DAAM1: variants seen among roughly 807,000 people sequenced by gnomAD.
The protein encoded by DAAM1 is dishevelled associated activator of morphogenesis 1.
Under a neutral mutation model 130.0 loss-of-function variants are expected in DAAM1, and 52 were observed. The observed-to-expected ratio is 0.40, with a 90% CI of 0.32 to 0.50. The LOEUF (loss-of-function observed/expected upper bound fraction) is 0.50, where lower values mean the gene tolerates loss of function less well. Ranked by LOEUF, DAAM1 falls within the 20% of genes least tolerant of loss-of-function variation. The pLI, the probability that DAAM1 is intolerant of heterozygous loss-of-function variation, is 0.61. For synonymous variants in DAAM1, 452 were observed against 444.5 expected (o/e 1.02, Z -0.21); for missense variants, 1,134 against 1,303.8 (o/e 0.87, Z 2.01).
intron 1 of DAAM1, among the ~76,000 whole-genome samples, chr14:59,211,136 A>C (rs916559785): frequency 6.6e-6 from 1 of 152,190 alleles, no homozygotes; most frequent in African/African-American, 2.4e-5. Flanking sequence ...GGTTTGCTTT[A>C]GGTAATTTAA....
intron 1 of DAAM1, among the ~76,000 whole-genome samples, chr14:59,197,308 C>T (rs544843165): frequency 1.3e-5 from 2 of 152,330 alleles, no homozygotes; most frequent in South Asian, 4.1e-4. Context: ...AATACCATTT[C>T]TGTTTGGTTT....
At chr14:59,218,188 T>C (rs1466003422) in intron 1 of DAAM1, among the ~76,000 whole-genome samples, 1 of 152,202 alleles carries the variant, frequency 6.6e-6, no homozygotes, top group East Asian at 1.9e-4. Context: ...CCATCTCATA[T>C]GTGCTCACTA....
At chr14:59,273,867 A>G (rs1269748316) in intron 2 of DAAM1, among the ~76,000 whole-genome samples, 19 of 152,222 alleles carry the variant, frequency 1.2e-4, no homozygotes, top group Admixed American at 1.2e-3. Context: ...TCTAGTCACC[A>G]TGGTTTGCTC....
intron 1 of DAAM1, among the ~76,000 whole-genome samples, chr14:59,225,549 C>G (rs1888915226): frequency 6.6e-6 from 1 of 152,168 alleles, no homozygotes; most frequent in South Asian, 2.1e-4. Context: ...CTCCTCCATC[C>G]TACTCCATGA....
At chr14:59,291,367 C>G (rs1251685243) in intron 3 of DAAM1, 61 bp downstream of exon 3, 1 of 1,317,344 alleles carries the variant, frequency 7.6e-7, no homozygotes, top group Non-Finnish European at 1.1e-6. Context: ...ATTTGCTCTT[C>G]CATTTCACCA....
intron 2 of DAAM1, among the ~76,000 whole-genome samples, chr14:59,283,590 A>G (rs1347695294): frequency 6.6e-6 from 1 of 152,162 alleles, no homozygotes; most frequent in Non-Finnish European, 1.5e-5. Context: ...TGAAATAACA[A>G]CAGTACAGTT....
intron 1 of DAAM1, among the ~76,000 whole-genome samples, chr14:59,223,463 C>T (rs1193780791): frequency 2.0e-5 from 3 of 152,204 alleles, no homozygotes; most frequent in Admixed American, 6.5e-5. Context: ...AAAGCCGGTG[C>T]TGCAATTCAT....
intron 1 of DAAM1, among the ~76,000 whole-genome samples, chr14:59,193,337 C>T (rs1030385320): frequency 4.0e-5 from 6 of 151,858 alleles, no homozygotes; most frequent in African/African-American, 1.5e-4. Flanking sequence ...CACCCCCTTT[C>T]TCTGAGCTGT....
chr14:59,256,711 G>T (rs988214314), intron 1 of DAAM1, among the ~76,000 whole-genome samples: 1 of 152,192 alleles, frequency 6.6e-6, no homozygotes, highest in African/African-American at 2.4e-5. Context: ...TAGGTCCCTA[G>T]TTTCAGAAGC....
At position 59,325,716 on chromosome 14, in the gene DAAM1, A is replaced by G. The variant is rs768214100; in HGVS notation, c.1042A>G (p.Lys348Glu). The G allele has an allele frequency of 6.2e-7, 1 of 1,614,092 alleles. No individual in the cohort carries two copies. The highest frequency in any genetic ancestry group is 8.5e-7 in the Non-Finnish European group (1 of 1,179,984). ...AAATGAAGATGAACTAGAATTTGCC[A>G]AAAGATTTGAACTGGTACGTATGCT... ...LRNEDELEFA[K>E]RFELVHIDTK... Residue 348 changes from lysine to glutamate, a missense_variant, in exon 9 of 25, where the codon AAA becomes GAA. Physicochemically the swap from Lys to Glu is moderately conservative, Grantham distance 56. Transcript: ENST00000360909.
intron 18 of DAAM1, 70 bp from the exon 19 acceptor site, chr14:59,353,806 T>G: frequency 6.8e-7 from 1 of 1,464,826 alleles, no homozygotes; most frequent in Non-Finnish European, 9.4e-7. Flanking sequence ...TACCTCCACC[T>G]CCATATCTGT....
At chr14:59,221,612 G>A (rs545964714) in intron 1 of DAAM1, among the ~76,000 whole-genome samples, 1 of 152,324 alleles carries the variant, frequency 6.6e-6, no homozygotes, top group Non-Finnish European at 1.5e-5. Context: ...GTAATACTAA[G>A]AGAAGCTCTA....
chr14:59,251,623 T>C (rs1881646840), intron 1 of DAAM1, among the ~76,000 whole-genome samples: 1 of 152,150 alleles, frequency 6.6e-6, no homozygotes, highest in Admixed American at 6.5e-5. Context: ...CCTTTAATCA[T>C]CAGAGAAGAT....
chr14:59,199,676 G>GT lies in DAAM1; in HGVS notation c.-38+10911dup, dbSNP rs534176033. On this transcript the variant is annotated intron_variant, in intron 1 of 24. Transcript: ENST00000360909. ...AATTGGGATGAATGTCTCTTCAAAG[G>GT]TTTATCTAGCAGTGGGCTGGCAGAT... 5.3e-4 allele frequency among the ~76,000 whole-genome samples: 81 copies of GT among 152,294 alleles called. 1 individual carries two copies. In the East Asian group the frequency reaches 0.01, roughly 20 times the overall value.
chr14:59,303,513 A>G (rs559489695), intron 3 of DAAM1, among the ~76,000 whole-genome samples: 26 of 152,292 alleles, frequency 1.7e-4, no homozygotes, highest in African/African-American at 5.8e-4. Flanking sequence ...CAAAACTGGC[A>G]TAAAGGTTTA....
chr14:59,293,259 A>T (rs1457313030), intron 3 of DAAM1, among the ~76,000 whole-genome samples: 1 of 152,210 alleles, frequency 6.6e-6, no homozygotes, highest in South Asian at 2.1e-4. Context: ...CCCAGATTTT[A>T]TTACACCCTT....
chr14:59,339,385 C>G (rs923723423), intron 15 of DAAM1, among the ~76,000 whole-genome samples: 3 of 152,172 alleles, frequency 2.0e-5, no homozygotes, highest in African/African-American at 7.2e-5. Context: ...TTCACTCTAA[C>G]AGTATATTAT....
rs1887052312 is a variant in DAAM1 at position 59,369,325 on chromosome 14, A to AGTT, written c.*471_*473dup. 1 of 153,234 alleles carries AGTT rather than the reference A, an allele frequency of 6.5e-6. No homozygotes were observed. Among genetic ancestry groups the AGTT allele is most frequent in the African/African-American group, 2.4e-5 (1 of 41,430 alleles). 9.5% of individuals were successfully genotyped at this position (153,234 alleles called of 1,614,324 possible). A position where few individuals can be genotyped will look rare whatever the true frequency, so the allele number is the denominator to read the frequency against. On this transcript the variant is annotated 3_prime_UTR_variant, in exon 25 of 25. Transcript: ENST00000360909. ...AAATTATTTTCATTGATGGAACTGGAGTTGTTGGAAAAACATAGATTTAAA... is the reference window on the plus strand; with the variant it reads ...AAATTATTTTCATTGATGGAACTGGAGTTGTTGTTGGAAAAACATAGATTTAAA...
intron 1 of DAAM1, among the ~76,000 whole-genome samples, chr14:59,216,446 C>T (rs564220174): frequency 1.3e-5 from 2 of 152,170 alleles, no homozygotes; most frequent in Non-Finnish European, 2.9e-5. Context: ...TCAGGCAGGA[C>T]GCAGTGGCTC....
Sources: allele counts gnomAD v4.1 joint callset (sites outside exome capture counted in the v4.1 genomes callset), GRCh38; gene constraint gnomAD v4.1.1; transcripts MANE v1.5; gene names NCBI Gene and HGNC (gene_info 2026-07-23, HGNC 2026-07-21).